Variants in CPA6 observed in about 807,000 individuals in gnomAD.
The protein encoded by CPA6 is carboxypeptidase A6.
Under a neutral mutation model 63.3 loss-of-function variants are expected in CPA6, and 58 were observed. The ratio of observed to expected loss-of-function variants is 0.92; its 90% CI spans 0.74 to 1.14. The LOEUF is 1.14. CPA6 is among the 50% of genes most tolerant of loss of function. The pLI is 0.00. For missense variants in CPA6, 565 were observed against 526.6 expected, an observed-to-expected ratio of 1.07 and a Z score of -0.71; for synonymous variants, 185 against 179.0, an observed-to-expected ratio of 1.03 and a Z score of -0.27.
intron 8 of CPA6, among the ~76,000 whole-genome samples, chr8:67,460,290 G>T (rs1316722209): frequency 6.6e-6 from 1 of 152,116 alleles, no homozygotes; most frequent in East Asian, 1.9e-4. Flanking sequence ...GTCCCTCTTA[G>T]TCTATCACAT....
intron 8 of CPA6, among the ~76,000 whole-genome samples, chr8:67,475,859 CTTTCTT>C (rs1811195129): frequency 1.3e-5 from 1 of 78,866 alleles, no homozygotes. Context: ...TTCTTTCTTT[CTTTCTT>C]TCTTTCTTTC....
chr8:67,608,784 T>TG (rs972550757), intron 2 of CPA6, among the ~76,000 whole-genome samples: 28 of 152,166 alleles, frequency 1.8e-4, no homozygotes, highest in Admixed American at 1.8e-3. Context: ...TTTGAGTGCA[T>TG]GGTGGCTGAG....
intron 2 of CPA6, among the ~76,000 whole-genome samples, chr8:67,587,840 G>A (rs1813988221): frequency 6.6e-6 from 1 of 152,216 alleles, no homozygotes; most frequent in South Asian, 2.1e-4. Flanking sequence ...GAGAGCGATT[G>A]AAGCTGTGGG....
chr8:67,538,606 G>C (rs1161719444), intron 2 of CPA6, among the ~76,000 whole-genome samples: 1 of 150,118 alleles, frequency 6.7e-6, no homozygotes, highest in South Asian at 2.1e-4. Context: ...CACATGAGAT[G>C]GGTCGCCTGA....
At chr8:67,459,420 G>A (rs1159306681) in intron 8 of CPA6, among the ~76,000 whole-genome samples, 1 of 152,214 alleles carries the variant, frequency 6.6e-6, no homozygotes, top group East Asian at 1.9e-4. Context: ...AGGGAATGGA[G>A]TATTATTCAG....
At chr8:67,629,968 A>G (rs1164529909) in intron 1 of CPA6, among the ~76,000 whole-genome samples, 1 of 151,748 alleles carries the variant, frequency 6.6e-6, no homozygotes, top group Non-Finnish European at 1.5e-5. Context: ...AGCTGGGCGT[A>G]GTGGCAGACA....
At chr8:67,507,142 C>T (rs6651314) in intron 5 of CPA6, among the ~76,000 whole-genome samples, 12,149 of 151,836 alleles carry the variant, frequency 0.08, 1,192 homozygotes, top group African/African-American at 0.23. Context: ...TAGGTTGCTT[C>T]TTTATTTTTA....
intron 1 of CPA6, among the ~76,000 whole-genome samples, chr8:67,724,370 C>T (rs1451773311): frequency 6.6e-6 from 1 of 152,158 alleles, no homozygotes; most frequent in Non-Finnish European, 1.5e-5. Context: ...GACGTGTGCC[C>T]CCACGTCTCC....
chr8:67,690,225 A>G (rs1229295388), intron 1 of CPA6, among the ~76,000 whole-genome samples: 1 of 152,190 alleles, frequency 6.6e-6, no homozygotes, highest in Non-Finnish European at 1.5e-5. Context: ...ATTCTATAAC[A>G]TTTGATCTGG....
chr8:67,538,096 T>A (rs1184613214), intron 2 of CPA6, among the ~76,000 whole-genome samples: 3 of 152,246 alleles, frequency 2.0e-5, no homozygotes, highest in African/African-American at 7.2e-5. Flanking sequence ...AGGAATGTTT[T>A]ACTTCCAATT....
chr8:67,659,459 A>G (rs2128992654), intron 1 of CPA6, among the ~76,000 whole-genome samples: 1 of 152,340 alleles, frequency 6.6e-6, no homozygotes, highest in Middle Eastern at 3.4e-3. Flanking sequence ...TTTTGGATAT[A>G]ATTTATCTTG....
At position 67,573,711 on chromosome 8, in the gene CPA6, T is replaced by C. The variant is rs1191608153; in HGVS notation, c.192+50465A>G. On this transcript the variant is annotated intron_variant, in intron 2 of 10. Coordinates refer to ENST00000297770, the MANE Select transcript of CPA6 (RefSeq NM_020361.5). ...ATTGAGACCATCCTGGCTAACACGGTGAAACCCTGTCTCTACTAAAAATAC... is the reference window on the plus strand; with the variant it reads ...ATTGAGACCATCCTGGCTAACACGGCGAAACCCTGTCTCTACTAAAAATAC... Among the ~76,000 whole-genome samples the C allele has an allele frequency of 4.6e-5, 7 of 151,318 alleles. No individual in the cohort carries two copies. The East Asian group carries it at 1.4e-3, about 30-fold the overall frequency.
At chr8:67,436,800 T>C (rs1360828265) in intron 8 of CPA6, among the ~76,000 whole-genome samples, 2 of 152,240 alleles carry the variant, frequency 1.3e-5, no homozygotes, top group Non-Finnish European at 2.9e-5. Flanking sequence ...AGATTTTCCA[T>C]AGTTATTTGC....
intron 1 of CPA6, among the ~76,000 whole-genome samples, chr8:67,676,112 T>G (rs555212244): frequency 6.6e-6 from 1 of 152,338 alleles, no homozygotes; most frequent in African/African-American, 2.4e-5. Context: ...TATACCTATA[T>G]CAATGGTATC....
intron 8 of CPA6, among the ~76,000 whole-genome samples, chr8:67,473,128 A>C (rs1205978050): frequency 1.3e-5 from 2 of 152,260 alleles, no homozygotes; most frequent in East Asian, 3.8e-4. Context: ...ATTAGCTAGA[A>C]AATAGCTCTG....
At chr8:67,699,761 G>T (rs1816984361) in intron 1 of CPA6, among the ~76,000 whole-genome samples, 1 of 151,754 alleles carries the variant, frequency 6.6e-6, no homozygotes, top group African/African-American at 2.4e-5. Context: ...CTAATTTTTT[G>T]TATTTTTAGT....
intron 1 of CPA6, among the ~76,000 whole-genome samples, chr8:67,742,105 C>T (rs983387245): frequency 6.7e-6 from 1 of 150,340 alleles, no homozygotes; most frequent in African/African-American, 2.4e-5. Flanking sequence ...GGCACACAAT[C>T]ACAGCTACTT....
chr8:67,732,252 T>A (rs1817719509), intron 1 of CPA6, among the ~76,000 whole-genome samples: 1 of 152,190 alleles, frequency 6.6e-6, no homozygotes. Context: ...ATCCCCACAT[T>A]CCTCCGAAAG....
At chr8:67,428,283 C>T (rs777685732) in intron 9 of CPA6, 152 bp from the exon 10 acceptor site, 54 of 529,778 alleles carry the variant, frequency 1.0e-4, no homozygotes, top group East Asian at 5.8e-4. Flanking sequence ...TTATGTCACA[C>T]GCTACATTTT....
Sources: allele counts gnomAD v4.1 joint callset (sites outside exome capture counted in the v4.1 genomes callset), GRCh38; gene constraint gnomAD v4.1.1; transcripts MANE v1.5; gene names NCBI Gene and HGNC (gene_info 2026-07-23, HGNC 2026-07-21).